Variants in TIAM2 observed in about 807,000 individuals in gnomAD.
TIAM2 encodes the protein TIAM Rac1 associated GEF 2.
In TIAM2, 80 loss-of-function variants were observed where a neutral mutation model predicts 152.9. The observed-to-expected ratio is 0.52, with a 90% CI of 0.44 to 0.63. TIAM2 has a LOEUF of 0.63. Among genes scored for constraint, TIAM2 ranks in the 30% least tolerant of loss-of-function variants. The pLI is 0.00. For missense variants in TIAM2, 1,965 were observed against 2,120.1 expected, an observed-to-expected ratio of 0.93 and a Z score of 1.44; for synonymous variants, 804 against 838.0, an observed-to-expected ratio of 0.96 and a Z score of 0.70.
At chr6:155,244,608 C>T in intron 17 of TIAM2, 50 bp from the exon 18 acceptor site, 1 of 1,598,930 alleles carries the variant, frequency 6.3e-7, no homozygotes, top group Non-Finnish European at 8.5e-7. Context: ...AGCGTGGTGT[C>T]CTGAACTTCA....
In TIAM2 at chr6:155,088,473, T is replaced by G. The variant is rs572949425; in HGVS notation, c.-208-1816T>G. On this transcript the variant is annotated intron_variant, in intron 1 of 26. Coordinates refer to ENST00000682666, the MANE Select transcript of TIAM2 (RefSeq NM_012454.4). Reference sequence around the variant, plus strand: ...TACACTGAAAGTCTAGTTGTGGTTTTTTGCTACTTTGAGTATGTCACATGT... The same window carrying G: ...TACACTGAAAGTCTAGTTGTGGTTTGTTGCTACTTTGAGTATGTCACATGT... Among the ~76,000 whole-genome samples the G allele has an allele frequency of 4.8e-3, 736 of 152,384 alleles. 4 individuals are homozygous for G. Among genetic ancestry groups the G allele is most frequent in the African/African-American group, 0.017 (701 of 41,596 alleles).
At chr6:155,217,884 G>C (rs771253549) in intron 15 of TIAM2, among the ~76,000 whole-genome samples, 3 of 152,178 alleles carry the variant, frequency 2.0e-5, no homozygotes, top group Non-Finnish European at 2.9e-5. Context: ...AGTGTACAGC[G>C]TGAACAAAAC....
At chr6:155,063,776 T>C (rs1443732203) in intron 1 of TIAM2, among the ~76,000 whole-genome samples, 7 of 98,656 alleles carry the variant, frequency 7.1e-5, no homozygotes, top group African/African-American at 3.0e-4. Flanking sequence ...AGTGAGACTC[T>C]GTCTCAAAAA....
chr6:155,250,949 T>C lies in TIAM2; in HGVS notation c.3988T>C (p.Ser1330Pro). The change falls in exon 22 of 27, where the codon TCT (serine) becomes CCT (proline). Residue 1330 changes from serine to proline, a missense_variant. Ser to Pro is a moderately conservative substitution (Grantham distance 74). This residue lies in a region of TIAM2 where 935 missense variants were observed against 980.0 expected (regional missense o/e 0.95). Coordinates refer to ENST00000682666, the MANE Select transcript of TIAM2 (RefSeq NM_012454.4). ...ELSMGELLMH[S>P]TVSWLNPFLS... ...TTCGATGGGAGAGCTTCTGATGCAC[T>C]CTACGGTTTCCTGGTTGAATCCATT... is the stretch of plus-strand genomic sequence containing the variant. 1.2e-6 allele frequency: 2 copies of C among 1,614,228 alleles called. No individual in the cohort carries two copies. Among genetic ancestry groups the C allele is most frequent in the South Asian group, 2.2e-5 (2 of 91,088 alleles).
At chr6:155,188,566 A>C (rs1377936679) in intron 14 of TIAM2, among the ~76,000 whole-genome samples, 2 of 152,214 alleles carry the variant, frequency 1.3e-5, no homozygotes, top group Non-Finnish European at 2.9e-5. Flanking sequence ...TTACCACTGG[A>C]ATTCCCCAGA....
chr6:155,042,922 C>G lies in TIAM2; in HGVS notation c.-208-47367C>G, dbSNP rs115325820. On this transcript the variant is annotated intron_variant, in intron 1 of 26. Transcript: ENST00000682666. ...GCACCATCTCCTCAATCTTCCCTCC[C>G]TCCAGCCTCCCTCAGTTACTTTACT... Among the ~76,000 whole-genome samples the G allele has an allele frequency of 1.4e-4, 21 of 152,300 alleles. No individual in the cohort carries two copies. In the East Asian group the frequency reaches 4.1e-3, roughly 29 times the overall value.
intron 1 of TIAM2, among the ~76,000 whole-genome samples, chr6:155,007,373 TTTTC>T (rs1236701998): frequency 2.0e-5 from 3 of 151,290 alleles, no homozygotes; most frequent in African/African-American, 4.9e-5. Flanking sequence ...CCATTTTTCT[TTTTC>T]TTTCTTTCTT....
intron 18 of TIAM2, 49 bp from the exon 19 acceptor site, chr6:155,245,574 C>G: frequency 6.9e-7 from 1 of 1,451,732 alleles, no homozygotes; most frequent in Non-Finnish European, 9.7e-7. Context: ...TAAGCCAGCA[C>G]GCATTGATTA....
At chr6:155,092,712 A>G (rs1425075862) in intron 2 of TIAM2, among the ~76,000 whole-genome samples, 1 of 152,000 alleles carries the variant, frequency 6.6e-6, no homozygotes, top group African/African-American at 2.4e-5. Context: ...AAAATTAGCC[A>G]GGCTTGGTAG....
intron 14 of TIAM2, among the ~76,000 whole-genome samples, chr6:155,209,164 C>T (rs1204595031): frequency 6.6e-6 from 1 of 151,972 alleles, no homozygotes; most frequent in Admixed American, 6.6e-5. Flanking sequence ...CCCTTGGTTG[C>T]ACTCATCTCT....
Position 155,164,397 on chromosome 6 carries a change from C to A in TIAM2, c.2029-18C>A. On this transcript the variant is annotated intron_variant, in intron 7 of 26. Coordinates refer to ENST00000682666, the MANE Select transcript of TIAM2 (RefSeq NM_012454.4). ...AACTTTTAATTTTTATTTAAATCAC[C>A]TCTGTTTTTGCTTTAAGATCCAGCA... 6.4e-7 allele frequency: 1 copy of A among 1,554,466 alleles called. No individual in the cohort carries two copies.
chr6:155,193,886 C>T (rs919621062), intron 14 of TIAM2, among the ~76,000 whole-genome samples: 1 of 152,222 alleles, frequency 6.6e-6, no homozygotes, highest in South Asian at 2.1e-4. Context: ...AGATGCTTTG[C>T]ACCATCAGTG....
intron 1 of TIAM2, among the ~76,000 whole-genome samples, chr6:155,025,218 G>T (rs1360096836): frequency 6.8e-6 from 1 of 147,606 alleles, no homozygotes; most frequent in Non-Finnish European, 1.5e-5. Flanking sequence ...TTTTGAGACG[G>T]AGTCTCGCTC....
At chr6:155,137,000 A>AT (rs1262280151) in intron 4 of TIAM2, among the ~76,000 whole-genome samples, 177 bp from the exon 5 acceptor site, 1 of 152,222 alleles carries the variant, frequency 6.6e-6, no homozygotes, top group Admixed American at 6.5e-5. Context: ...GGGCAACACT[A>AT]TTTTTAAAAT....
intron 14 of TIAM2, among the ~76,000 whole-genome samples, chr6:155,201,583 G>A (rs931492589): frequency 6.6e-6 from 1 of 152,156 alleles, no homozygotes; most frequent in Non-Finnish European, 1.5e-5. Context: ...GGTTAAGCAC[G>A]CTGCCTCAGT....
At chr6:155,132,768 C>T (rs1281459081) in intron 4 of TIAM2, among the ~76,000 whole-genome samples, 2 of 152,206 alleles carry the variant, frequency 1.3e-5, no homozygotes, top group Non-Finnish European at 2.9e-5. Flanking sequence ...TTGGTGGTGG[C>T]ATCGAGCCAA....
intron 5 of TIAM2, among the ~76,000 whole-genome samples, chr6:155,139,232 C>T (rs1389072468): frequency 3.9e-5 from 6 of 152,220 alleles, no homozygotes; most frequent in Non-Finnish European, 7.3e-5. Flanking sequence ...AGCCCTGCTT[C>T]CCCAACCGTG....
intron 17 of TIAM2, 44 bp downstream of exon 17, chr6:155,244,123 GTC>G (rs1783194083): frequency 2.6e-6 from 4 of 1,565,620 alleles, no homozygotes; most frequent in Non-Finnish European, 3.5e-6. Flanking sequence ...CCACAGGTTA[GTC>G]TCTGTTTGCC....
intron 1 of TIAM2, among the ~76,000 whole-genome samples, chr6:155,037,688 C>G (rs1304593263): frequency 6.6e-6 from 1 of 152,128 alleles, no homozygotes; most frequent in Non-Finnish European, 1.5e-5. Flanking sequence ...CACCACCACG[C>G]CTGCCTAATT....
Sources: allele counts gnomAD v4.1 joint callset (sites outside exome capture counted in the v4.1 genomes callset), GRCh38; gene constraint gnomAD v4.1.1; regional missense constraint gnomAD v4.1.1; transcripts MANE v1.5; gene names NCBI Gene and HGNC (gene_info 2026-07-23, HGNC 2026-07-21).